The following LINGO2 variants were observed in gnomAD, a reference collection of about 807,000 sequenced individuals.
LINGO2 encodes leucine-rich repeat and immunoglobulin-like domain-containing nogo receptor-interacting protein 2.
A neutral mutation model predicts 30.6 loss-of-function variants in LINGO2; 14 were observed. The ratio of observed to expected loss-of-function variants is 0.46; its 90% CI spans 0.30 to 0.72. The LOEUF (loss-of-function observed/expected upper bound fraction) is 0.72, where lower values mean the gene tolerates loss of function less well. Ranked by LOEUF, LINGO2 falls within the 30% of genes least tolerant of loss-of-function variation. The pLI is 0.07. For synonymous variants in LINGO2, 317 were observed against 288.5 expected, an observed-to-expected ratio of 1.10 and a Z score of -1.00; for missense variants, 729 against 751.7, an observed-to-expected ratio of 0.97 and a Z score of 0.35.
At chr9:28,798,657 G>C in the LINGO2 span, among the ~76,000 whole-genome samples, 3 of 152,078 alleles carry the variant, frequency 2.0e-5, no homozygotes, top group African/African-American at 4.8e-5. Flanking sequence ...ATCTAACCTG[G>C]AACTAGTCAA....
intron 4 of LINGO2, among the ~76,000 whole-genome samples, chr9:28,061,170 A>C (rs1259770366): frequency 6.9e-6 from 1 of 145,900 alleles, no homozygotes. Flanking sequence ...TACACACCAC[A>C]CACCTAGCAC....
At chr9:27,986,278 A>C (rs954066932) in intron 5 of LINGO2, among the ~76,000 whole-genome samples, 2 of 151,722 alleles carry the variant, frequency 1.3e-5, no homozygotes, top group Non-Finnish European at 2.9e-5. Flanking sequence ...CAGAGCAGTT[A>C]ATCTTCAGGA....
intron 1 of LINGO2, among the ~76,000 whole-genome samples, chr9:28,553,964 C>G (rs903593649): frequency 1.3e-5 from 2 of 151,910 alleles, no homozygotes; most frequent in South Asian, 2.1e-4. Context: ...ATTTTGTCAC[C>G]ACCAGGCCTG....
intron 4 of LINGO2, among the ~76,000 whole-genome samples, chr9:28,194,885 A>G (rs1819954759): frequency 6.6e-6 from 1 of 152,070 alleles, no homozygotes; most frequent in Admixed American, 6.6e-5. Context: ...ACTCATTTCT[A>G]TGTACCAAAT....
At chr9:29,146,750 T>C in the LINGO2 span, among the ~76,000 whole-genome samples, 1 of 152,188 alleles carries the variant, frequency 6.6e-6, no homozygotes, top group Non-Finnish European at 1.5e-5. Context: ...GACTTTATAA[T>C]GGACTGTCAA....
chr9:28,809,302 C>A, the LINGO2 span, among the ~76,000 whole-genome samples: 1 of 152,180 alleles, frequency 6.6e-6, no homozygotes, highest in African/African-American at 2.4e-5. Context: ...ATCCTTGGCA[C>A]CTGCCTGACT....
the LINGO2 span, among the ~76,000 whole-genome samples, chr9:28,842,448 T>A: frequency 2.6e-5 from 4 of 151,834 alleles, no homozygotes; most frequent in African/African-American, 9.7e-5. Flanking sequence ...AAAAGACATC[T>A]CTGATAAAAC....
Position 28,662,279 on chromosome 9 carries a change from G to A in LINGO2, c.-365+7921C>T, listed in dbSNP as rs74568671. On this transcript the variant is annotated intron_variant, in intron 1 of 5. Coordinates refer to ENST00000379992, the Ensembl canonical transcript of LINGO2. ...AGGCCTGCTGAGATTAATCTTACTTGTATCCTTTTCTGAGGGGAAAATTTG... is the reference window on the plus strand; with the variant it reads ...AGGCCTGCTGAGATTAATCTTACTTATATCCTTTTCTGAGGGGAAAATTTG... Among the ~76,000 whole-genome samples the A allele has an allele frequency of 9.3e-3, 1,408 of 152,208 alleles. 28 individuals carry two copies. The highest frequency in any genetic ancestry group is 0.081 in the East Asian group (418 of 5,176).
At chr9:28,250,006 C>T (rs1587324476) in intron 4 of LINGO2, among the ~76,000 whole-genome samples, 1 of 152,088 alleles carries the variant, frequency 6.6e-6, no homozygotes, top group East Asian at 1.9e-4. Context: ...CACTCTGGTA[C>T]TCATTCTCAG....
intron 1 of LINGO2, among the ~76,000 whole-genome samples, chr9:28,496,690 A>G (rs1819643547): frequency 1.3e-5 from 2 of 152,082 alleles, no homozygotes; most frequent in African/African-American, 4.8e-5. Flanking sequence ...TGTGAATTTG[A>G]TCCTGTCATT....
At chr9:28,605,887 A>C (rs1324655613) in intron 1 of LINGO2, among the ~76,000 whole-genome samples, 1 of 152,088 alleles carries the variant, frequency 6.6e-6, no homozygotes, top group Non-Finnish European at 1.5e-5. Flanking sequence ...ATGGTCGTCA[A>C]ATCCGAAATA....
chr9:28,971,919 C>T, the LINGO2 span, among the ~76,000 whole-genome samples: 1 of 152,196 alleles, frequency 6.6e-6, no homozygotes, highest in African/African-American at 2.4e-5. Context: ...TTGTGTCACT[C>T]CACCCCCAGC....
chr9:28,612,591 T>C (rs1825967934), intron 1 of LINGO2, among the ~76,000 whole-genome samples: 1 of 152,170 alleles, frequency 6.6e-6, no homozygotes, highest in Non-Finnish European at 1.5e-5. Flanking sequence ...GTAGACCCTT[T>C]GTTTTAGCCA....
At chr9:28,233,869 C>G (rs537881917) in intron 4 of LINGO2, among the ~76,000 whole-genome samples, 247 of 152,210 alleles carry the variant, frequency 1.6e-3, no homozygotes, top group African/African-American at 5.5e-3. Context: ...AAGTGAAGGG[C>G]CTGGTCTTGG....
intron 1 of LINGO2, among the ~76,000 whole-genome samples, chr9:28,567,260 A>C (rs1261200340): frequency 6.6e-6 from 1 of 152,086 alleles, no homozygotes; most frequent in Admixed American, 6.5e-5. Flanking sequence ...AATAGAACTA[A>C]CTACCATTTG....
chr9:28,275,119 A>C (rs1823070561), intron 4 of LINGO2, among the ~76,000 whole-genome samples: 1 of 152,010 alleles, frequency 6.6e-6, no homozygotes, highest in Non-Finnish European at 1.5e-5. Flanking sequence ...CCCAGGCTGG[A>C]GTGCAGTGGC....
chr9:28,353,551 G>A (rs1820009814), intron 3 of LINGO2, among the ~76,000 whole-genome samples: 1 of 151,026 alleles, frequency 6.6e-6, no homozygotes, highest in Non-Finnish European at 1.5e-5. Flanking sequence ...TTACACTGTT[G>A]GTGGGACTGT....
At chr9:28,210,865 C>T (rs1249149728) in intron 4 of LINGO2, among the ~76,000 whole-genome samples, 4 of 151,356 alleles carry the variant, frequency 2.6e-5, no homozygotes, top group African/African-American at 9.7e-5. Context: ...GCAAATATCA[C>T]ATAACCAAGA....
intron 4 of LINGO2, among the ~76,000 whole-genome samples, chr9:28,035,462 G>C (rs1823883814): frequency 6.6e-6 from 1 of 152,052 alleles, no homozygotes; most frequent in Non-Finnish European, 1.5e-5. Context: ...TACTGCTTCT[G>C]GTATGCTACA....
Sources: gnomAD v4.1 joint callset for allele counts (sites outside exome capture counted in the v4.1 genomes callset) on GRCh38, gnomAD v4.1.1 for gene constraint, MANE v1.5 for transcripts, NCBI Gene and HGNC (gene_info 2026-07-23, HGNC 2026-07-21) for gene names.